GOLGA8A: variants seen among roughly 807,000 people sequenced by gnomAD.
GOLGA8A encodes golgin A8 family member A.
In GOLGA8A, 3 loss-of-function variants were observed where a neutral mutation model predicts 22.1. The ratio of observed to expected loss-of-function variants is 0.14; its 90% CI spans 0.06 to 0.35. The LOEUF is 0.35. Ranked by LOEUF, GOLGA8A falls within the 10% of genes least tolerant of loss-of-function variation. The pLI is 1.00. For synonymous variants in GOLGA8A, 7 were observed against 91.7 expected (o/e 0.08, Z 5.28); for missense variants, 16 against 233.2 (o/e 0.07, Z 6.07).
chr15:34,433,024 A>G (rs985420993), intron 2 of GOLGA8A, among the ~76,000 whole-genome samples: 2 of 149,264 alleles, frequency 1.3e-5, no homozygotes, highest in South Asian at 4.3e-4. Context: ...AAGACTCTCA[A>G]GCCAGAAGAC....
chr15:34,429,989 C>A (rs1420598298), intron 2 of GOLGA8A, among the ~76,000 whole-genome samples: 1 of 147,804 alleles, frequency 6.8e-6, no homozygotes, highest in African/African-American at 2.5e-5. Flanking sequence ...GGGAATGCTG[C>A]CAGTCCAGGG....
Position 34,426,762 on chromosome 15 carries a change from A to G in GOLGA8A, c.-1123+8621T>C, listed in dbSNP as rs377531345. On this transcript the variant is annotated intron_variant, in intron 2 of 24. Transcript: ENST00000359187. ...AAATTTTTTTAAAACAGAGACATCA[A>G]GCCAGGTACAGTGGCATGTACCTGT... Among the ~76,000 whole-genome samples, 563 of 134,274 alleles carry G rather than the reference A, an allele frequency of 4.2e-3. 6 individuals are homozygous for G. Among genetic ancestry groups the G allele is most frequent in the Middle Eastern group, 0.02 (5 of 244 alleles). The allele number at this position is 134,274 out of a possible 152,430, so 88.1% of individuals were successfully genotyped here.
chr15:34,406,517 C>CA (rs1051974874), intron 4 of GOLGA8A, among the ~76,000 whole-genome samples, 157 bp downstream of exon 4: 9 of 52,510 alleles, frequency 1.7e-4, no homozygotes, highest in Non-Finnish European at 3.2e-4. Context: ...AACTCCATCT[C>CA]AAAAAAAATA....
intron 1 of GOLGA8A, among the ~76,000 whole-genome samples, chr15:34,437,007 G>C (rs1893553284): frequency 6.7e-6 from 1 of 149,194 alleles, no homozygotes; most frequent in Admixed American, 6.7e-5. Context: ...GCGCCAAGCC[G>C]GGCAGCGGAA....
intron 1 of GOLGA8A, among the ~76,000 whole-genome samples, chr15:34,436,439 C>T (rs1243440667): frequency 1.3e-5 from 2 of 149,788 alleles, no homozygotes; most frequent in African/African-American, 4.9e-5. Flanking sequence ...CTGCACTCAA[C>T]CACAGATTTA....
chr15:34,437,081 T>C (rs1334212295), intron 1 of GOLGA8A, among the ~76,000 whole-genome samples: 1 of 147,400 alleles, frequency 6.8e-6, no homozygotes, highest in Non-Finnish European at 1.5e-5. Flanking sequence ...CAGCGCCACT[T>C]GCCGGCGCCG....
intron 2 of GOLGA8A, among the ~76,000 whole-genome samples, chr15:34,426,668 C>T (rs112165968): frequency 6.9e-6 from 1 of 144,800 alleles, no homozygotes; most frequent in African/African-American, 2.5e-5. Flanking sequence ...TCCTTCTCAA[C>T]TCCAAATTCC....
In GOLGA8A at chr15:34,437,424, TCCG is replaced by T. The variant is rs1481156656; in HGVS notation, c.-1241_-1239del. 2.2e-5 allele frequency: 3 copies of T among 138,950 alleles called. No individual in the cohort carries two copies. Among genetic ancestry groups the T allele is most frequent in the African/African-American group, 5.2e-5 (2 of 38,150 alleles). The allele number at this position is 138,950 out of a possible 1,614,324, so 8.6% of individuals were successfully genotyped here. A position where few individuals can be genotyped will look rare whatever the true frequency, so the allele number is the denominator to read the frequency against. On this transcript the variant is annotated 5_prime_UTR_variant, in exon 1 of 25. Transcript: ENST00000359187. ...TGGCCAGGGCGCGGGGCTGCCCCGG[TCCG>T]CCGCCGTCCTCGCCGCGCCGCCGTC...
chr15:34,437,341 G>A (rs1241040405), intron 1 of GOLGA8A, 57 bp downstream of exon 1: 1 of 141,230 alleles, frequency 7.1e-6, no homozygotes, highest in East Asian at 2.1e-4. Context: ...GCGGCGCCGC[G>A]GGCGGCCCAA....
In GOLGA8A at chr15:34,436,670, G is replaced by A. The variant is rs1244499537; in HGVS notation, c.-1212+728C>T. Among the ~76,000 whole-genome samples the A allele has an allele frequency of 7.4e-5, 11 of 149,656 alleles. 1 individual carries two copies. Among genetic ancestry groups the A allele is most frequent in the Admixed American group, 2.0e-4 (3 of 14,896 alleles). On this transcript the variant is annotated intron_variant, in intron 1 of 24. Transcript: ENST00000359187. ...TAGCCTGGGCTTACCAAGGCCCGCC[G>A]CCCGACCCATGGAGCCCTGCTTGGG...
At position 34,380,560 on chromosome 15, in the gene GOLGA8A, T is replaced by C. The variant is rs3169217; in HGVS notation, c.*851A>G. 0.095 allele frequency: 14,522 copies of C among 152,314 alleles called. 893 individuals carry two copies. The highest frequency in any genetic ancestry group is 0.24 in the South Asian group (1,136 of 4,826). 9.4% of individuals were successfully genotyped at this position (152,314 alleles called of 1,614,324 possible). A position where few individuals can be genotyped will look rare whatever the true frequency, so the allele number is the denominator to read the frequency against. ...AAAGGTTTTTCACACCCACAGCCAA[T>C]GATGGCAGCCTTTCATTCCTCGGAA... is the stretch of plus-strand genomic sequence containing the variant. On this transcript the variant is annotated 3_prime_UTR_variant, in exon 25 of 25. Transcript: ENST00000359187.
Position 34,380,304 on chromosome 15 carries a change from C to T in GOLGA8A, c.*1107G>A, listed in dbSNP as rs1162871120. 6.6e-6 allele frequency: 1 copy of T among 152,104 alleles called. No homozygotes were observed. Among genetic ancestry groups the T allele is most frequent in the Admixed American group, 6.5e-5 (1 of 15,268 alleles). 9.4% of individuals were successfully genotyped at this position (152,104 alleles called of 1,614,324 possible). A position where few individuals can be genotyped will look rare whatever the true frequency, so the allele number is the denominator to read the frequency against. ...AAGCTCCATGAACAGAGAGGAATGC[C>T]AGGTGTCACACAGCTTTCCTTCACT... On this transcript the variant is annotated 3_prime_UTR_variant, in exon 25 of 25. Transcript: ENST00000359187.
intron 2 of GOLGA8A, among the ~76,000 whole-genome samples, chr15:34,434,741 C>G (rs1893419768): frequency 6.7e-6 from 1 of 149,410 alleles, no homozygotes; most frequent in Admixed American, 6.7e-5. Context: ...GCAAGCGTCT[C>G]AAACCTGACC....
rs201607243 is a variant in GOLGA8A at position 34,405,431 on chromosome 15, T to G, written c.-713-376A>C. On this transcript the variant is annotated intron_variant, in intron 4 of 24. Transcript: ENST00000359187. ...CTCACTACAAACTCTGCCTCCCAGG[T>G]TCAAGTGATTCTCGTGCCTCAGTCT... is the stretch of plus-strand genomic sequence containing the variant. Among the ~76,000 whole-genome samples the G allele has an allele frequency of 1.2e-4, 17 of 146,908 alleles. 1 individual carries two copies. The East Asian group carries it at 2.9e-3, about 25-fold the overall frequency.
rs1383359399 is a variant in GOLGA8A at position 34,381,233 on chromosome 15, C to A, written c.*178G>T. On this transcript the variant is annotated 3_prime_UTR_variant, in exon 25 of 25. Coordinates refer to ENST00000359187, the MANE Select transcript of GOLGA8A (RefSeq NM_181077.5). The stretch of plus-strand genomic sequence containing the variant: ...CCAGAGTGAACATCAGTGAGAGCCA[C>A]AGAGACCCACTCTCTTTTAACTTTT... 6 of 1,091,550 alleles carry A rather than the reference C, an allele frequency of 5.5e-6. No individual in the cohort carries two copies. Among genetic ancestry groups the A allele is most frequent in the Non-Finnish European group, 5.3e-6 (4 of 755,750 alleles). 67.6% of individuals were successfully genotyped at this position (1,091,550 alleles called of 1,614,324 possible).
chr15:34,429,490 C>G (rs1893132698), intron 2 of GOLGA8A, among the ~76,000 whole-genome samples: 1 of 147,784 alleles, frequency 6.8e-6, no homozygotes. Flanking sequence ...CAAACCCACC[C>G]ACTCTTCTAG....
intron 5 of GOLGA8A, among the ~76,000 whole-genome samples, chr15:34,403,726 CATT>C (rs1299078185): frequency 1.4e-4 from 17 of 120,452 alleles, no homozygotes; most frequent in African/African-American, 5.1e-4. Flanking sequence ...AGTACAGTAA[CATT>C]ATTTCAAATG....
At chr15:34,419,602 C>T (rs1339696721) in intron 2 of GOLGA8A, 2 of 13,674 alleles carry the variant, frequency 1.5e-4, no homozygotes, top group Non-Finnish European at 2.4e-4. Context: ...CAGGTAGCTT[C>T]GGGCTGTCCA....
rs145534114 is a variant in GOLGA8A at position 34,433,485 on chromosome 15, G to A, written c.-1123+1898C>T. ...TTGGGCTGGTTACCTTCCCAAACACGTTCTCCTCTGGCCTATGTGAAACCG... is the reference window on the plus strand; with the variant it reads ...TTGGGCTGGTTACCTTCCCAAACACATTCTCCTCTGGCCTATGTGAAACCG... On this transcript the variant is annotated intron_variant, in intron 2 of 24. Transcript: ENST00000359187. 2.8e-4 allele frequency among the ~76,000 whole-genome samples: 42 copies of A among 149,324 alleles called. 3 individuals are homozygous for A. Among genetic ancestry groups the A allele is most frequent in the African/African-American group, 9.1e-4 (37 of 40,534 alleles).
Sources: allele counts gnomAD v4.1 joint callset (sites outside exome capture counted in the v4.1 genomes callset), GRCh38; gene constraint gnomAD v4.1.1; transcripts MANE v1.5; gene names NCBI Gene and HGNC (gene_info 2026-07-23, HGNC 2026-07-21).